Variants in DACH2 observed in about 807,000 individuals in gnomAD.
The protein encoded by DACH2 is dachshund family transcription factor 2.
Under a neutral mutation model 35.8 loss-of-function variants are expected in DACH2, and 17 were observed. That is an observed-to-expected ratio of 0.48 (90% CI 0.33 to 0.71). The LOEUF (loss-of-function observed/expected upper bound fraction) is 0.71, where lower values mean the gene tolerates loss of function less well. Among genes scored for constraint, DACH2 ranks in the 30% least tolerant of loss-of-function variants. DACH2 has a pLI of 0.02. For missense variants in DACH2, 469 were observed against 472.7 expected (o/e 0.99, Z 0.07); for synonymous variants, 195 against 177.3 (o/e 1.10, Z -0.79).
At chrX:86,657,423 T>C (rs183006158) in intron 4 of DACH2, among the ~76,000 whole-genome samples, 1 of 111,441 alleles carries the variant, frequency 9.0e-6, no homozygotes, top group African/African-American at 3.2e-5. Context: ...ATATTATAAA[T>C]TATTAAATAT....
At chrX:86,174,302 A>G (rs1441941034) in intron 1 of DACH2, among the ~76,000 whole-genome samples, 1 of 108,931 alleles carries the variant, frequency 9.2e-6, no homozygotes, top group Non-Finnish European at 1.9e-5. Context: ...TAAATAATTT[A>G]TTTTTTAGAG....
At chrX:86,549,022 T>C (rs778062260) in intron 3 of DACH2, among the ~76,000 whole-genome samples, 1 of 111,772 alleles carries the variant, frequency 8.9e-6, no homozygotes, top group African/African-American at 3.2e-5. Context: ...CCCTTAAATC[T>C]TGGAGGAGGG....
intron 1 of DACH2, among the ~76,000 whole-genome samples, chrX:86,340,377 C>T (rs2148059916): frequency 9.0e-6 from 1 of 111,292 alleles, no homozygotes; most frequent in Admixed American, 9.6e-5. Flanking sequence ...TTGATGTTAT[C>T]ACTGTAATTA....
At chrX:86,431,045 T>G (rs1356129744) in intron 2 of DACH2, among the ~76,000 whole-genome samples, 1 of 111,944 alleles carries the variant, frequency 8.9e-6, no homozygotes, top group Non-Finnish European at 1.9e-5. Flanking sequence ...TGTATTTTAT[T>G]TATTGATTTT....
At chrX:86,447,067 G>T (rs1479784691) in intron 2 of DACH2, among the ~76,000 whole-genome samples, 3 of 82,677 alleles carry the variant, frequency 3.6e-5, no homozygotes, top group Non-Finnish European at 7.0e-5. Flanking sequence ...ATTTCTTCAT[G>T]TGTTTTTTGG....
At chrX:86,647,316 A>G (rs2040426977) in intron 3 of DACH2, among the ~76,000 whole-genome samples, 1 of 111,079 alleles carries the variant, frequency 9.0e-6, no homozygotes, top group African/African-American at 3.2e-5. Flanking sequence ...TGGTATTTAT[A>G]TATTATATAC....
intron 2 of DACH2, among the ~76,000 whole-genome samples, chrX:86,456,101 C>G (rs1045736394): frequency 2.7e-5 from 3 of 112,199 alleles, no homozygotes; most frequent in African/African-American, 9.7e-5. Flanking sequence ...GGCTCCATGC[C>G]ACTCGTGGTT....
intron 6 of DACH2, among the ~76,000 whole-genome samples, chrX:86,728,557 C>T: frequency 8.9e-6 from 1 of 112,686 alleles, no homozygotes; most frequent in Non-Finnish European, 1.9e-5. Context: ...AAAGGTATTT[C>T]ATAGAACTTC....
intron 2 of DACH2, among the ~76,000 whole-genome samples, chrX:86,491,216 A>C (rs762931354): frequency 2.7e-5 from 3 of 111,931 alleles, no homozygotes; most frequent in Non-Finnish European, 5.7e-5. Flanking sequence ...CCTGCTGTAC[A>C]CAATGCTTTT....
chrX:86,764,429 T>G (rs770249755), intron 7 of DACH2, among the ~76,000 whole-genome samples: 2 of 111,427 alleles, frequency 1.8e-5, no homozygotes, highest in Non-Finnish European at 3.8e-5. Flanking sequence ...CATATTTATA[T>G]TCATGTGCAT....
chrX:86,598,284 G>A (rs2039738779), intron 3 of DACH2, among the ~76,000 whole-genome samples: 2 of 111,403 alleles, frequency 1.8e-5, no homozygotes, highest in Non-Finnish European at 3.8e-5. Context: ...TTTTAAAAAT[G>A]TTTATTTTGT....
At chrX:86,690,933 G>A (rs1280156067) in intron 4 of DACH2, among the ~76,000 whole-genome samples, 1 of 111,924 alleles carries the variant, frequency 8.9e-6, no homozygotes, top group Non-Finnish European at 1.9e-5. Context: ...ACAGTGATAA[G>A]TAGTTGATAT....
chrX:86,825,161 T>A (rs189817207), intron 11 of DACH2, among the ~76,000 whole-genome samples: 24 of 111,950 alleles, frequency 2.1e-4, no homozygotes, highest in Admixed American at 6.6e-4. Context: ...ACATCTGTAA[T>A]CCCAGCACTT....
chrX:86,644,071 C>A (rs779077368), intron 3 of DACH2, among the ~76,000 whole-genome samples: 1 of 111,081 alleles, frequency 9.0e-6, no homozygotes, highest in Non-Finnish European at 1.9e-5. Flanking sequence ...AGGATGCCCT[C>A]TTTCATCACA....
chrX:86,261,949 G>A (rs1232611020), intron 1 of DACH2, among the ~76,000 whole-genome samples: 2 of 110,528 alleles, frequency 1.8e-5, no homozygotes. Context: ...TGAACAGGTA[G>A]GTTCATTTCT....
intron 5 of DACH2, 116 bp from the exon 6 acceptor site, chrX:86,714,432 T>A: frequency 1.8e-6 from 1 of 553,529 alleles, no homozygotes. Context: ...AAGGAGACAC[T>A]AAGATATAAT....
rs776799019 is a variant in DACH2 at position 86,424,334 on chromosome X, TA to T, written c.527+47473del. On this transcript the variant is annotated intron_variant, in intron 2 of 11. Coordinates refer to ENST00000373125, the MANE Select transcript of DACH2 (RefSeq NM_053281.3). Reference sequence around the variant, plus strand: ...TCCATGAAAATGAAATATTTTTTTCTATTTTTTGATGTCCTTCTCAATTTTT... The same window carrying T: ...TCCATGAAAATGAAATATTTTTTTCTTTTTTTGATGTCCTTCTCAATTTTT... Among the ~76,000 whole-genome samples, 30 of 111,692 alleles carry T rather than the reference TA, an allele frequency of 2.7e-4. No individual in the cohort carries two copies. In the East Asian group the frequency reaches 3.4e-3, roughly 12 times the overall value.
At chrX:86,166,862 A>G (rs778893925) in intron 1 of DACH2, among the ~76,000 whole-genome samples, 10 of 111,699 alleles carry the variant, frequency 9.0e-5, no homozygotes, top group Non-Finnish European at 1.5e-4. Flanking sequence ...TGATGTGTCA[A>G]AACGATTGAT....
intron 4 of DACH2, among the ~76,000 whole-genome samples, chrX:86,679,158 G>T (rs1479811889): frequency 3.6e-5 from 4 of 111,759 alleles, no homozygotes; most frequent in Non-Finnish European, 7.5e-5. Flanking sequence ...GAACTGTCTA[G>T]ACTGCATGAG....
Sources: gnomAD v4.1 joint callset for allele counts (sites outside exome capture counted in the v4.1 genomes callset) on GRCh38, gnomAD v4.1.1 for gene constraint, MANE v1.5 for transcripts, NCBI Gene and HGNC (gene_info 2026-07-23, HGNC 2026-07-21) for gene names.